The following ZAN variants were observed in gnomAD, a reference collection of about 807,000 sequenced individuals.
ZAN encodes the protein zonadhesin (gene/pseudogene).
Under a neutral mutation model 286.2 loss-of-function variants are expected in ZAN, and 260 were observed. The ratio of observed to expected loss-of-function variants is 0.91; its 90% CI spans 0.82 to 1.01. The LOEUF is 1.01. Among genes scored for constraint, ZAN ranks in the 50% least tolerant of loss-of-function variants. The pLI is 0.00. For synonymous variants in ZAN, 1,368 were observed against 1,417.5 expected (o/e 0.97, Z 0.79); for missense variants, 3,410 against 3,639.2 (o/e 0.94, Z 1.62).
At chr7:100,762,965 C>T (rs1412137965) in intron 20 of ZAN, among the ~76,000 whole-genome samples, 3 of 149,108 alleles carry the variant, frequency 2.0e-5, no homozygotes, top group Non-Finnish European at 4.4e-5. Flanking sequence ...GCTGGCCCTC[C>T]CCAACGGTTT....
intron 11 of ZAN, 104 bp from the exon 12 acceptor site, chr7:100,750,521 A>C: frequency 7.5e-7 from 1 of 1,326,154 alleles, no homozygotes; most frequent in Non-Finnish European, 1.0e-6. Context: ...GGGAAATTTG[A>C]GTGTTTGCTC....
In ZAN at chr7:100,750,671, C is replaced by G. The variant is rs1235009163; in HGVS notation, c.1296C>G (p.Gly432=). 6.2e-7 allele frequency: 1 copy of G among 1,613,394 alleles called. No homozygotes were observed. The highest frequency in any genetic ancestry group is 8.5e-7 in the Non-Finnish European group (1 of 1,179,698). The part of the protein sequence containing the change: ...YLEADEFSQA[G]QSVRLVSRPF... Reference sequence around the variant, plus strand: ...AGGCTGACGAGTTCTCCCAGGCAGGCCAGTCAGTCAGACTGGTGAGCCGGC... The same window carrying G: ...AGGCTGACGAGTTCTCCCAGGCAGGGCAGTCAGTCAGACTGGTGAGCCGGC... Residue 432 remains glycine, a synonymous_variant, in exon 12 of 48, where the codon GGC becomes GGG. Coordinates refer to ENST00000613979, the MANE Select transcript of ZAN (RefSeq NM_003386.3).
At position 100,748,462 on chromosome 7, in the gene ZAN, C is replaced by T. The variant is rs1490512798; in HGVS notation, c.1241C>T (p.Pro414Leu). The T allele has an allele frequency of 6.2e-7, 1 of 1,611,476 alleles. No homozygotes were observed. The highest frequency in any genetic ancestry group is 2.2e-5 in the East Asian group (1 of 44,822). ...VHGMGPAGGF[P>L]NAGGHYIYLE... Reference sequence around the variant, plus strand: ...GGCATGGGCCCTGCGGGAGGTTTCCCTAATGCAGGTGAGGAGATTGAGGAG... The same window carrying T: ...GGCATGGGCCCTGCGGGAGGTTTCCTTAATGCAGGTGAGGAGATTGAGGAG... The change falls in exon 11 of 48, where the codon CCT becomes CTT. Residue 414 changes from proline to leucine, a missense_variant. Pro to Leu is a moderately conservative substitution (Grantham distance 98). This residue lies in a region of ZAN where 872 missense variants were observed against 938.9 expected (regional missense o/e 0.93). Coordinates refer to ENST00000613979, the MANE Select transcript of ZAN (RefSeq NM_003386.3).
chr7:100,735,827 T>G (rs1330289492), intron 3 of ZAN, 55 bp downstream of exon 3: 1 of 1,313,060 alleles, frequency 7.6e-7, no homozygotes, highest in Non-Finnish European at 1.1e-6. Context: ...GAACCCACAT[T>G]CTGCCACCAG....
chr7:100,794,217 A>T lies in ZAN; in HGVS notation c.8084A>T (p.Glu2695Val). 6.2e-7 allele frequency: 1 copy of T among 1,612,460 alleles called. No homozygotes were observed. Among genetic ancestry groups the T allele is most frequent in the Non-Finnish European group, 8.5e-7 (1 of 1,179,314 alleles). Reference sequence around the variant, plus strand: ...GAGCCCTTCAGCTGCAGAGCGGGGGAGGTCTGCACCCTGGGGAACCACACC... The same window carrying T: ...GAGCCCTTCAGCTGCAGAGCGGGGGTGGTCTGCACCCTGGGGAACCACACC... Reference protein sequence around the residue: ...LCEPFSCRAGEVCTLGNHTQG... With the variant: ...LCEPFSCRAGVVCTLGNHTQG... Residue 2695 changes from glutamate (E) to valine (V), a missense_variant, in exon 44 of 48, where the codon GAG (glutamate) becomes GTG (valine). Physicochemically the swap from Glu to Val is moderately radical, Grantham distance 121 (BLOSUM62 -2). Transcript: ENST00000613979.
chr7:100,744,324 C>T (rs1808024119), intron 7 of ZAN, among the ~76,000 whole-genome samples: 1 of 150,356 alleles, frequency 6.7e-6, no homozygotes, highest in Non-Finnish European at 1.5e-5. Context: ...CCTGGCCAGG[C>T]GTGGTGGCTC....
chr7:100,735,711 A>G lies in ZAN; in HGVS notation c.54-9A>G. ...GTTGCATTTTTGCTTTCTTCAAACG[A>G]CCCCCAAGGAAAGAGAAGCCTCCGG... is the stretch of plus-strand genomic sequence containing the variant. On this transcript the variant is annotated splice_polypyrimidine_tract_variant and intron_variant, in intron 2 of 47. Transcript: ENST00000613979. 2 of 1,502,334 alleles carry G rather than the reference A, an allele frequency of 1.3e-6. No homozygotes were observed. The highest frequency in any genetic ancestry group is 1.8e-6 in the Non-Finnish European group (2 of 1,096,536). 93.1% of individuals were successfully genotyped at this position (1,502,334 alleles called of 1,614,324 possible).
At position 100,792,109 on chromosome 7, in the gene ZAN, C is replaced by T. The variant is rs1252144274; in HGVS notation, c.7673C>T (p.Ala2558Val). ...CTGGCAGACCCCCAGGGCCCCTTTG[C>T]TGCCTGTCACCAGACGGTGGCCCCA... Reference protein sequence around the residue: ...RVLADPQGPFAACHQTVAPEP... With the variant: ...RVLADPQGPFVACHQTVAPEP... The change falls in exon 41 of 48, where the codon GCT (alanine) becomes GTT (valine). Residue 2558 changes from alanine (A) to valine (V), a missense_variant. Coordinates refer to ENST00000613979, the MANE Select transcript of ZAN (RefSeq NM_003386.3). 6 of 1,612,180 alleles carry T rather than the reference C, an allele frequency of 3.7e-6. No homozygotes were observed. The East Asian group carries it at 1.3e-4, about 36-fold the overall frequency.
intron 16 of ZAN, 91 bp downstream of exon 16, chr7:100,758,434 T>G (rs966580531): frequency 1.1e-5 from 17 of 1,582,348 alleles, no homozygotes; most frequent in Non-Finnish European, 1.4e-5. Flanking sequence ...AGCAGAGGAT[T>G]GGGGGCCTGC....
chr7:100,769,827 A>G (rs1423533320), intron 27 of ZAN, 53 bp from the exon 28 acceptor site: 10 of 1,500,868 alleles, frequency 6.7e-6, no homozygotes, highest in Non-Finnish European at 8.2e-6. Flanking sequence ...GATTATAGGC[A>G]TGAGCCACTG....
Position 100,751,839 on chromosome 7 carries a change from T to G in ZAN, c.1734T>G (p.Ser578Arg). ...CTACAGTTTCCATAGAAAAACCCAG[T>G]GTCACCACAGAAAAGCCCACAGTCC... Reference protein sequence around the residue: ...KKPTVSIEKPSVTTEKPTVPK... With the variant: ...KKPTVSIEKPRVTTEKPTVPK... Residue 578 changes from serine to arginine, a missense_variant, in exon 14 of 48, where the codon AGT becomes AGG. Ser to Arg is a moderately radical substitution (Grantham distance 110). Coordinates refer to ENST00000613979, the MANE Select transcript of ZAN (RefSeq NM_003386.3). 6.2e-7 allele frequency: 1 copy of G among 1,611,390 alleles called. No individual in the cohort carries two copies. Among genetic ancestry groups the G allele is most frequent in the Non-Finnish European group, 8.5e-7 (1 of 1,178,946 alleles).
chr7:100,776,647 T>G, intron 34 of ZAN, 83 bp downstream of exon 34: 1 of 190,236 alleles, frequency 5.3e-6, no homozygotes, highest in East Asian at 8.4e-5. Context: ...TTCCCTTCCC[T>G]CCCCTCCCCT....
chr7:100,739,421 T>C (rs754007584), intron 7 of ZAN, among the ~76,000 whole-genome samples: 1 of 138,320 alleles, frequency 7.2e-6, no homozygotes, highest in Admixed American at 7.1e-5. Context: ...GAGTAGGGTG[T>C]GGTAGCGGGG....
chr7:100,761,800 G>A (rs779026820), intron 19 of ZAN, among the ~76,000 whole-genome samples: 4 of 151,726 alleles, frequency 2.6e-5, no homozygotes, highest in African/African-American at 7.3e-5. Context: ...TTAGCTGGGC[G>A]TGGTGGTGTG....
chr7:100,743,031 CTTT>C (rs555399986), intron 7 of ZAN, among the ~76,000 whole-genome samples: 2 of 122,328 alleles, frequency 1.6e-5, no homozygotes. Context: ...CTTTTTCTTT[CTTT>C]TTTTTTTTTT....
At chr7:100,789,107 T>A in intron 38 of ZAN, 111 bp from the exon 39 acceptor site, 1 of 1,432,380 alleles carries the variant, frequency 7.0e-7, no homozygotes, top group Non-Finnish European at 9.3e-7. Context: ...CTTATTCCAC[T>A]CTCTGCACGG....
chr7:100,736,529 T>C lies in ZAN; in HGVS notation c.153T>C (p.Cys51=). The C allele has an allele frequency of 6.6e-7, 1 of 1,523,888 alleles. No homozygotes were observed. The highest frequency in any genetic ancestry group is 1.1e-5 in the South Asian group (1 of 88,848). The allele number at this position is 1,523,888 out of a possible 1,614,324, so 94.4% of individuals were successfully genotyped here. The part of the protein sequence containing the change: ...CDFEDDAKPL[C]DWSQVSADDE... ...TTGAGGATGACGCCAAACCCCTCTG[T>C]GACTGGTCCCAAGTGTCCGCAGACG... Residue 51 remains cysteine, a synonymous_variant, in exon 4 of 48, where the codon TGT becomes TGC. Coordinates refer to ENST00000613979, the MANE Select transcript of ZAN (RefSeq NM_003386.3).
In ZAN at chr7:100,748,320, C is replaced by G. The variant is rs778436018; in HGVS notation, c.1103-4C>G. ...TGCTCAAATATCCTATTTTGATCCC[C>G]CAGAGGGTTTTCCTCAGTGTGACTT... On this transcript the variant is annotated splice_region_variant and splice_polypyrimidine_tract_variant and intron_variant, in intron 10 of 47. Coordinates refer to ENST00000613979, the MANE Select transcript of ZAN (RefSeq NM_003386.3). 1.2e-5 allele frequency: 20 copies of G among 1,613,838 alleles called. No individual in the cohort carries two copies. The highest frequency in any genetic ancestry group is 1.7e-5 in the Non-Finnish European group (20 of 1,179,900).
At chr7:100,785,851 G>T in intron 36 of ZAN, 146 bp from the exon 37 acceptor site, 6 of 1,049,858 alleles carry the variant, frequency 5.7e-6, no homozygotes, top group Non-Finnish European at 5.4e-6. Context: ...TAGAGACAGG[G>T]TTTCACCATG....
Sources: gnomAD v4.1 joint callset for allele counts (sites outside exome capture counted in the v4.1 genomes callset) on GRCh38, gnomAD v4.1.1 for gene constraint, gnomAD v4.1.1 regional missense constraint, MANE v1.5 for transcripts, NCBI Gene and HGNC (gene_info 2026-07-23, HGNC 2026-07-21) for gene names.